GPAM: variants seen among roughly 807,000 people sequenced by gnomAD.
The protein encoded by GPAM is glycerol-3-phosphate acyltransferase, mitochondrial, also known as glycerol-3-phosphate acyltransferase 1, mitochondrial.
Under a neutral mutation model 105.0 loss-of-function variants are expected in GPAM, and 56 were observed. The observed-to-expected ratio is 0.53, with a 90% CI of 0.43 to 0.67. The LOEUF is 0.67. Among genes scored for constraint, GPAM ranks in the 30% least tolerant of loss-of-function variants. The pLI is 0.00. For synonymous variants in GPAM, 368 were observed against 354.4 expected (o/e 1.04, Z -0.43); for missense variants, 855 against 989.8 (o/e 0.86, Z 1.83).
At chr10:112,166,818 GA>G (rs1229124192) in intron 11 of GPAM, among the ~76,000 whole-genome samples, 1 of 152,014 alleles carries the variant, frequency 6.6e-6, no homozygotes, top group Admixed American at 6.6e-5. Context: ...ACTAATGAAG[GA>G]AAAAATGACA....
At chr10:112,225,590 C>T in the GPAM span, among the ~76,000 whole-genome samples, 1 of 152,128 alleles carries the variant, frequency 6.6e-6, no homozygotes, top group African/African-American at 2.4e-5. Context: ...GAGTGGGATC[C>T]CCTGGCACTG....
At chr10:112,227,606 G>A in the GPAM span, among the ~76,000 whole-genome samples, 4 of 152,280 alleles carry the variant, frequency 2.6e-5, no homozygotes, top group Admixed American at 2.0e-4. Flanking sequence ...GAAGAAGATG[G>A]GCCAAGACAG....
In GPAM at chr10:112,154,813, G is replaced by A. The variant is rs938807684; in HGVS notation, c.2312-126C>T. ...GAGGGCAAGTCAGCAGACAAGGGTGGGGCCCCACTTCCACCACTGGCAACC... is the reference window on the plus strand; with the variant it reads ...GAGGGCAAGTCAGCAGACAAGGGTGAGGCCCCACTTCCACCACTGGCAACC... On this transcript the variant is annotated intron_variant, in intron 20 of 21. Transcript: ENST00000348367. The A allele has an allele frequency of 3.8e-6, 3 of 784,300 alleles. No individual in the cohort carries two copies. The South Asian group carries it at 4.4e-5, about 11-fold the overall frequency. 48.6% of individuals were successfully genotyped at this position (784,300 alleles called of 1,614,324 possible). A position where few individuals can be genotyped will look rare whatever the true frequency, so the allele number is the denominator to read the frequency against.
intron 1 of GPAM, among the ~76,000 whole-genome samples, chr10:112,195,815 C>A (rs1367073961): frequency 6.6e-6 from 1 of 152,184 alleles, no homozygotes; most frequent in African/African-American, 2.4e-5. Flanking sequence ...TTATAACTAT[C>A]AAGAGTCCTG....
Position 112,157,142 on chromosome 10 carries a change from G to A in GPAM, c.2121+107C>T, listed in dbSNP as rs1847031541. ...ACACAGAAGGTACCAGAGCTAGTTG[G>A]GGGATTCTTTAGATAAGAAGACATC... On this transcript the variant is annotated intron_variant, in intron 19 of 21. Transcript: ENST00000348367. The A allele has an allele frequency of 3.1e-6, 3 of 981,922 alleles. No homozygotes were observed. In the East Asian group the frequency reaches 7.1e-5, roughly 23 times the overall value. The allele number at this position is 981,922 out of a possible 1,614,324, so 60.8% of individuals were successfully genotyped here. A position where few individuals can be genotyped will look rare whatever the true frequency, so the allele number is the denominator to read the frequency against.
At chr10:112,180,151 A>T (rs1248558010) in intron 4 of GPAM, among the ~76,000 whole-genome samples, 5 of 152,202 alleles carry the variant, frequency 3.3e-5, no homozygotes, top group Non-Finnish European at 7.3e-5. Context: ...TTAAGTGCTA[A>T]AGTTCAACAC....
In GPAM at chr10:112,152,592, G is replaced by A; in HGVS notation, c.*958C>T. The A allele has an allele frequency of 3.0e-6, 3 of 985,374 alleles. No homozygotes were observed. The highest frequency in any genetic ancestry group is 3.6e-6 in the Non-Finnish European group (3 of 829,904). The allele number at this position is 985,374 out of a possible 1,614,324, so 61.0% of individuals were successfully genotyped here. On this transcript the variant is annotated 3_prime_UTR_variant, in exon 22 of 22. Coordinates refer to ENST00000348367, the MANE Select transcript of GPAM (RefSeq NM_001244949.2). The stretch of plus-strand genomic sequence containing the variant: ...GTACAGAAAGCCCTCATCAGCTGTG[G>A]CCAGAGAACTGTATTCTAACAGTCT...
upstream of GPAM, among the ~76,000 whole-genome samples, chr10:112,216,299 G>T (rs1171184992): frequency 6.6e-6 from 1 of 152,176 alleles, no homozygotes; most frequent in South Asian, 2.1e-4. Flanking sequence ...GTGCTGACTG[G>T]GGGCACTGAG....
intron 11 of GPAM, among the ~76,000 whole-genome samples, chr10:112,167,958 C>T (rs993640856): frequency 1.3e-5 from 2 of 152,160 alleles, no homozygotes; most frequent in African/African-American, 4.8e-5. Context: ...TTAAAATATG[C>T]ACATATTCAT....
intron 1 of GPAM, 62 bp downstream of exon 1, chr10:112,183,631 T>C (rs1461716995): frequency 6.6e-6 from 1 of 152,636 alleles, no homozygotes; most frequent in Non-Finnish European, 1.5e-5. Context: ...TCCATGCACT[T>C]GTCCCGGCGC....
Position 112,168,306 on chromosome 10 carries a change from C to T in GPAM, c.1107+6G>A. 1.3e-6 allele frequency: 2 copies of T among 1,495,798 alleles called. No individual in the cohort carries two copies. Among genetic ancestry groups the T allele is most frequent in the East Asian group, 2.3e-5 (1 of 44,330 alleles). The allele number at this position is 1,495,798 out of a possible 1,614,324, so 92.7% of individuals were successfully genotyped here. A position where few individuals can be genotyped will look rare whatever the true frequency, so the allele number is the denominator to read the frequency against. ...GCAAAGAAAACTTTTGTGTAGGTAC[C>T]CTTACCAGTTGTTCACCATTGTAGT... On this transcript the variant is annotated splice_donor_region_variant and intron_variant, in intron 11 of 21. Transcript: ENST00000348367.
At chr10:112,159,216 CTTTTTTTTTT>C (rs35513817) in intron 17 of GPAM, among the ~76,000 whole-genome samples, 1 of 86,984 alleles carries the variant, frequency 1.1e-5, no homozygotes. Flanking sequence ...AGATGATTTT[CTTTTTTTTTT>C]TTTTTTTTTT....
chr10:112,168,237 A>C (rs113892927), intron 11 of GPAM, 75 bp downstream of exon 11: 3 of 902,076 alleles, frequency 3.3e-6, no homozygotes, highest in Non-Finnish European at 5.5e-6. Flanking sequence ...TTAATTCTAA[A>C]AGCAAATGTA....
Position 112,163,780 on chromosome 10 carries a change from G to T in GPAM, c.1344C>A (p.Ser448=), listed in dbSNP as rs368158755. The T allele has an allele frequency of 8.7e-6, 14 of 1,602,588 alleles. No homozygotes were observed. Among genetic ancestry groups the T allele is most frequent in the Non-Finnish European group, 1.2e-5 (14 of 1,169,596 alleles). ...CTGTTGCATTTCTGGACTCATTAAT[G>T]GACGTGTCTCTACCTTCATCAGCAG... is the stretch of plus-strand genomic sequence containing the variant. ...SDAADEGRDT[S]INESRNATDE... Residue 448 remains serine (S), a synonymous_variant, in exon 14 of 22, where the codon TCC becomes TCA. Coordinates refer to ENST00000348367, the MANE Select transcript of GPAM (RefSeq NM_001244949.2).
chr10:112,220,439 C>G, the GPAM span, among the ~76,000 whole-genome samples: 3 of 150,548 alleles, frequency 2.0e-5, no homozygotes, highest in Admixed American at 2.0e-4. Flanking sequence ...GAGCCATACT[C>G]ATATATAACT....
chr10:112,226,034 T>C, the GPAM span, among the ~76,000 whole-genome samples: 1 of 152,196 alleles, frequency 6.6e-6, no homozygotes, highest in African/African-American at 2.4e-5. Context: ...ATTTATTTTG[T>C]CAACAAGCTT....
intron 1 of GPAM, among the ~76,000 whole-genome samples, chr10:112,208,430 A>C (rs1033633373): frequency 2.0e-5 from 3 of 152,192 alleles, no homozygotes; most frequent in African/African-American, 7.2e-5. Context: ...CAGAAAGTGG[A>C]TACTTGAGGC....
rs1385526658 is a variant in GPAM, at chr10:112,157,364, G to A, written c.2006C>T (p.Pro669Leu). 1.2e-6 allele frequency: 2 copies of A among 1,613,760 alleles called. No homozygotes were observed. The highest frequency in any genetic ancestry group is 1.7e-5 in the Admixed American group (1 of 60,020). ...GTCCCACTGCTGCTCAGCAAGACTA[G>A]GACTGATATCTTCCTGGTCATCGTG... Reference protein sequence around the residue: ...AEHDDQEDISPSLAEQQWDKK... With the variant: ...AEHDDQEDISLSLAEQQWDKK... Residue 669 changes from proline to leucine, a missense_variant, in exon 19 of 22, where the codon CCT (proline) becomes CTT (leucine). Coordinates refer to ENST00000348367, the MANE Select transcript of GPAM (RefSeq NM_001244949.2).
chr10:112,154,440 T>G (rs1460535263), intron 21 of GPAM, 189 bp downstream of exon 21: 5 of 618,354 alleles, frequency 8.1e-6, no homozygotes, highest in South Asian at 5.8e-5. Context: ...AAATCTACAC[T>G]GATGGGCTTC....
Sources: allele counts gnomAD v4.1 joint callset (sites outside exome capture counted in the v4.1 genomes callset), GRCh38; gene constraint gnomAD v4.1.1; transcripts MANE v1.5; gene names NCBI Gene and HGNC (gene_info 2026-07-23, HGNC 2026-07-21).